Variants in NKAIN3 observed in about 807,000 individuals in gnomAD.
NKAIN3 encodes sodium/potassium transporting ATPase interacting 3.
NKAIN3 carries 25 observed loss-of-function variants against 30.2 expected under a neutral mutation model. The observed-to-expected ratio is 0.83, with a 90% CI of 0.60 to 1.16. NKAIN3 has a LOEUF of 1.16. NKAIN3 is among the 50% of genes most tolerant of loss of function. The pLI is 0.00. For missense variants in NKAIN3, 225 were observed against 254.1 expected, an observed-to-expected ratio of 0.89 and a Z score of 0.78; for synonymous variants, 91 against 89.6, an observed-to-expected ratio of 1.02 and a Z score of -0.09.
intron 5 of NKAIN3, among the ~76,000 whole-genome samples, chr8:62,932,637 C>T (rs1460845004): frequency 6.6e-6 from 1 of 152,160 alleles, no homozygotes; most frequent in African/African-American, 2.4e-5. Flanking sequence ...ATTCAGTTCA[C>T]GAAATGAATG....
chr8:62,528,529 T>A (rs560034471), intron 1 of NKAIN3, among the ~76,000 whole-genome samples: 1 of 151,868 alleles, frequency 6.6e-6, no homozygotes, highest in African/African-American at 2.4e-5. Context: ...TTTGTCATTG[T>A]CCCTAGTAAT....
chr8:62,466,605 CT>C (rs1806171998), intron 1 of NKAIN3, among the ~76,000 whole-genome samples: 1 of 152,156 alleles, frequency 6.6e-6, no homozygotes. Context: ...TTAAATGTCA[CT>C]TTTCTTCAAT....
chr8:62,334,173 T>C (rs986483793), intron 1 of NKAIN3, among the ~76,000 whole-genome samples: 1 of 152,132 alleles, frequency 6.6e-6, no homozygotes, highest in Non-Finnish European at 1.5e-5. Context: ...TAGGAGACTT[T>C]ATTAGTTACT....
At chr8:62,832,258 GACACAC>G (rs57632946) in intron 4 of NKAIN3, among the ~76,000 whole-genome samples, 6,624 of 132,568 alleles carry the variant, frequency 0.05, 326 homozygotes, top group African/African-American at 0.15. Flanking sequence ...TGACCAAACA[GACACAC>G]ACACACACAC....
At chr8:62,349,986 G>T (rs1816130448) in intron 1 of NKAIN3, among the ~76,000 whole-genome samples, 1 of 152,234 alleles carries the variant, frequency 6.6e-6, no homozygotes, top group Non-Finnish European at 1.5e-5. Context: ...TGTGATCCAA[G>T]ATATGTTGCC....
At chr8:62,762,316 CAAA>C (rs11344224) in intron 4 of NKAIN3, among the ~76,000 whole-genome samples, 1 of 143,472 alleles carries the variant, frequency 7.0e-6, no homozygotes, top group Admixed American at 6.9e-5. Context: ...AACTCTGTCT[CAAA>C]AAAAAAAAAC....
intron 1 of NKAIN3, among the ~76,000 whole-genome samples, chr8:62,369,803 TA>T (rs1486219771): frequency 6.6e-6 from 1 of 151,926 alleles, no homozygotes; most frequent in Non-Finnish European, 1.5e-5. Context: ...AGTTAACAGA[TA>T]GAGCCTTCCA....
intron 4 of NKAIN3, among the ~76,000 whole-genome samples, chr8:62,800,535 G>T (rs1360204982): frequency 1.3e-5 from 2 of 151,626 alleles, no homozygotes; most frequent in African/African-American, 2.4e-5. Flanking sequence ...TAGATCTGCA[G>T]ACATACAGCC....
intron 2 of NKAIN3, among the ~76,000 whole-genome samples, chr8:62,580,932 C>T (rs1053528729): frequency 7.9e-6 from 1 of 126,362 alleles, no homozygotes; most frequent in African/African-American, 2.9e-5. Flanking sequence ...ATATAGAAAT[C>T]CAGTGTCTAC....
At chr8:62,870,746 G>C (rs28730420) in intron 4 of NKAIN3, among the ~76,000 whole-genome samples, 1 of 137,436 alleles carries the variant, frequency 7.3e-6, no homozygotes, top group African/African-American at 2.8e-5. Flanking sequence ...TATATATCTA[G>C]ATATCTAGAT....
intron 5 of NKAIN3, among the ~76,000 whole-genome samples, chr8:62,945,168 T>G (rs926742689): frequency 2.6e-5 from 4 of 152,034 alleles, no homozygotes; most frequent in African/African-American, 9.7e-5. Flanking sequence ...ATTTTTTAAG[T>G]AAAATATACA....
chr8:62,994,173 G>A (rs888578442), intron 5 of NKAIN3, among the ~76,000 whole-genome samples: 2 of 152,142 alleles, frequency 1.3e-5, no homozygotes, highest in African/African-American at 2.4e-5. Flanking sequence ...TGCTTTCATC[G>A]AAGCATTTTG....
intron 1 of NKAIN3, among the ~76,000 whole-genome samples, chr8:62,558,200 CA>C (rs1809468039): frequency 6.6e-6 from 1 of 151,980 alleles, no homozygotes; most frequent in Admixed American, 6.6e-5. Context: ...TTTGCTTTGT[CA>C]AAGGTCATTT....
chr8:62,745,225 A>C (rs1457442949), intron 3 of NKAIN3, among the ~76,000 whole-genome samples: 1 of 152,214 alleles, frequency 6.6e-6, no homozygotes, highest in African/African-American at 2.4e-5. Flanking sequence ...TGGCAACTGA[A>C]GTGGACACTG....
chr8:62,331,243 C>T (rs964587182), intron 1 of NKAIN3, among the ~76,000 whole-genome samples: 6 of 150,750 alleles, frequency 4.0e-5, no homozygotes, highest in African/African-American at 1.2e-4. Flanking sequence ...CTATATGGAT[C>T]TTCACTCCCT....
chr8:62,885,904 A>C (rs2130819187), intron 4 of NKAIN3, among the ~76,000 whole-genome samples: 1 of 152,224 alleles, frequency 6.6e-6, no homozygotes, highest in South Asian at 2.1e-4. Flanking sequence ...TATAGACAAC[A>C]TGTAGTTGGG....
chr8:62,961,969 A>ACT (rs1299408975), intron 6 of NKAIN3, among the ~76,000 whole-genome samples: 1 of 152,160 alleles, frequency 6.6e-6, no homozygotes, highest in East Asian at 1.9e-4. Flanking sequence ...GGGGCAAGTT[A>ACT]CTCTAGTCAT....
chr8:62,662,551 G>C (rs1391827236), intron 3 of NKAIN3, among the ~76,000 whole-genome samples: 1 of 152,110 alleles, frequency 6.6e-6, no homozygotes, highest in Non-Finnish European at 1.5e-5. Context: ...GATATACATT[G>C]ATCATTAGAA....
intron 4 of NKAIN3, among the ~76,000 whole-genome samples, chr8:62,905,691 T>C (rs548728165): frequency 6.6e-6 from 1 of 152,282 alleles, no homozygotes; most frequent in South Asian, 2.1e-4. Context: ...CGCTCACTCA[T>C]TGTTCTTAAC....
Sources: allele counts gnomAD v4.1 joint callset (sites outside exome capture counted in the v4.1 genomes callset), GRCh38; gene constraint gnomAD v4.1.1; transcripts MANE v1.5; gene names NCBI Gene and HGNC (gene_info 2026-07-23, HGNC 2026-07-21).